The following CTNND2 variants were observed in gnomAD, a reference collection of about 807,000 sequenced individuals.
CTNND2 encodes catenin delta-2.
A neutral mutation model predicts 144.4 loss-of-function variants in CTNND2; 22 were observed. The observed-to-expected ratio is 0.15, with a 90% CI of 0.11 to 0.22. CTNND2 has a LOEUF of 0.22. Ranked by LOEUF, CTNND2 falls within the 10% of genes least tolerant of loss-of-function variation. The pLI is 1.00. For missense variants in CTNND2, 1,353 were observed against 1,618.8 expected, an observed-to-expected ratio of 0.84 and a Z score of 2.82; for synonymous variants, 751 against 695.6, an observed-to-expected ratio of 1.08 and a Z score of -1.25.
chr5:11,414,085 G>C (rs968679454), intron 3 of CTNND2, among the ~76,000 whole-genome samples: 68 of 152,140 alleles, frequency 4.5e-4, no homozygotes, highest in Non-Finnish European at 4.4e-4. Flanking sequence ...AGAGATAGAA[G>C]AGAGACAAAA....
At chr5:11,293,725 T>G (rs1748602705) in intron 9 of CTNND2, among the ~76,000 whole-genome samples, 1 of 149,762 alleles carries the variant, frequency 6.7e-6, no homozygotes, top group South Asian at 2.1e-4. Context: ...TGTAAACTAA[T>G]AAACACAGAA....
chr5:11,688,714 A>G (rs1200600247), intron 2 of CTNND2, among the ~76,000 whole-genome samples: 3 of 152,176 alleles, frequency 2.0e-5, no homozygotes, highest in Non-Finnish European at 4.4e-5. Context: ...CCCACCACCC[A>G]GGAGAAGGGC....
At chr5:11,374,369 T>A (rs1330620130) in intron 7 of CTNND2, among the ~76,000 whole-genome samples, 1 of 152,184 alleles carries the variant, frequency 6.6e-6, no homozygotes, top group Non-Finnish European at 1.5e-5. Flanking sequence ...TGAAGGTTAA[T>A]TTTTACCTGG....
chr5:11,088,925 A>C (rs1750461331), intron 15 of CTNND2, among the ~76,000 whole-genome samples: 1 of 152,310 alleles, frequency 6.6e-6, no homozygotes, highest in Admixed American at 6.5e-5. Context: ...GTTTATGAAG[A>C]CATCTGTGTA....
intron 7 of CTNND2, among the ~76,000 whole-genome samples, chr5:11,367,868 CATA>C (rs908602911): frequency 2.0e-5 from 3 of 152,216 alleles, no homozygotes; most frequent in Non-Finnish European, 4.4e-5. Context: ...CCATGACAGA[CATA>C]ATGTCATGCA....
chr5:11,055,876 C>T (rs1343340634), intron 16 of CTNND2, among the ~76,000 whole-genome samples: 2 of 152,194 alleles, frequency 1.3e-5, no homozygotes, highest in Admixed American at 6.5e-5. Context: ...GCAGGGTTGG[C>T]TCACGGTGGG....
intron 1 of CTNND2, among the ~76,000 whole-genome samples, chr5:11,770,528 G>A (rs1789872662): frequency 6.6e-6 from 1 of 152,048 alleles, no homozygotes; most frequent in Non-Finnish European, 1.5e-5. Flanking sequence ...TAATCTGAAT[G>A]AATATTTCCC....
chr5:11,130,244 C>G (rs1384757956), intron 12 of CTNND2, among the ~76,000 whole-genome samples: 1 of 150,976 alleles, frequency 6.6e-6, no homozygotes, highest in Non-Finnish European at 1.5e-5. Context: ...GCGGTGGTTG[C>G]TAGGTTCATA....
chr5:11,567,185 T>A (rs1303808462), intron 2 of CTNND2, among the ~76,000 whole-genome samples: 1 of 152,012 alleles, frequency 6.6e-6, no homozygotes, highest in Non-Finnish European at 1.5e-5. Flanking sequence ...TGAGATGGAG[T>A]CTCGCTCTGT....
chr5:11,158,516 G>A (rs1392589488), intron 12 of CTNND2, among the ~76,000 whole-genome samples: 3 of 152,148 alleles, frequency 2.0e-5, no homozygotes, highest in African/African-American at 4.8e-5. Context: ...GCCCATGAAC[G>A]CATGTAGATA....
At chr5:11,722,191 T>C (rs74333372) in intron 2 of CTNND2, among the ~76,000 whole-genome samples, 2,156 of 152,220 alleles carry the variant, frequency 0.014, 29 homozygotes, top group African/African-American at 0.023. Context: ...TTTCACAGAG[T>C]TTTCTCCTAA....
chr5:11,242,064 G>C (rs1742513247), intron 9 of CTNND2, among the ~76,000 whole-genome samples: 1 of 152,154 alleles, frequency 6.6e-6, no homozygotes, highest in African/African-American at 2.4e-5. Context: ...AAGCAAGTTT[G>C]AGATGAGATC....
chr5:11,596,262 C>A (rs956115549), intron 2 of CTNND2, among the ~76,000 whole-genome samples: 2 of 152,160 alleles, frequency 1.3e-5, no homozygotes, highest in Admixed American at 1.3e-4. Flanking sequence ...TTAAGAGTGG[C>A]ATTTGTTTCA....
At chr5:11,380,089 C>T (rs1215751824) in intron 7 of CTNND2, among the ~76,000 whole-genome samples, 1 of 152,200 alleles carries the variant, frequency 6.6e-6, no homozygotes. Context: ...CAGGTGCACA[C>T]TGAACCCCAC....
chr5:11,312,414 C>T (rs1037164517), intron 9 of CTNND2, among the ~76,000 whole-genome samples: 57 of 151,892 alleles, frequency 3.8e-4, no homozygotes, highest in African/African-American at 5.1e-4. Flanking sequence ...TGGCGGGAGG[C>T]GAAAGGCAGT....
chr5:11,760,871 C>T (rs1789221271), intron 1 of CTNND2, among the ~76,000 whole-genome samples: 1 of 152,026 alleles, frequency 6.6e-6, no homozygotes, highest in Non-Finnish European at 1.5e-5. Flanking sequence ...TTTTTACCAA[C>T]CATGGTCTCA....
chr5:11,633,644 T>C (rs1453165103), intron 2 of CTNND2, among the ~76,000 whole-genome samples: 1 of 151,774 alleles, frequency 6.6e-6, no homozygotes, highest in Admixed American at 6.6e-5. Context: ...GGCATAGTGG[T>C]GGGTGCCTGT....
intron 1 of CTNND2, among the ~76,000 whole-genome samples, chr5:11,811,803 A>T (rs976953335): frequency 3.3e-5 from 5 of 152,208 alleles, no homozygotes; most frequent in African/African-American, 1.2e-4. Context: ...GATTCTTTCT[A>T]GACACTAGAT....
chr5:11,655,921 G>A (rs1042797100), intron 2 of CTNND2, among the ~76,000 whole-genome samples: 1 of 151,854 alleles, frequency 6.6e-6, no homozygotes, highest in African/African-American at 2.4e-5. Flanking sequence ...TTCTAATACG[G>A]GACGTACTGA....
Sources: allele counts gnomAD v4.1 joint callset (sites outside exome capture counted in the v4.1 genomes callset), GRCh38; gene constraint gnomAD v4.1.1; transcripts MANE v1.5; gene names NCBI Gene and HGNC (gene_info 2026-07-23, HGNC 2026-07-21).